Variants in NRG4 observed in about 807,000 individuals in gnomAD.
NRG4 encodes pro-neuregulin-4, membrane-bound isoform.
Under a neutral mutation model 15.0 loss-of-function variants are expected in NRG4, and 10 were observed. The ratio of observed to expected loss-of-function variants is 0.67; its 90% CI spans 0.41 to 1.13. The LOEUF (loss-of-function observed/expected upper bound fraction) is 1.13. Ranked by LOEUF, NRG4 falls within the 50% of genes most tolerant of loss-of-function variation. The pLI, the probability that NRG4 is intolerant of heterozygous loss-of-function variation, is 0.00. For missense variants in NRG4, 139 were observed against 140.2 expected, an observed-to-expected ratio of 0.99 and a Z score of 0.04; for synonymous variants, 41 against 50.1, an observed-to-expected ratio of 0.82 and a Z score of 0.77.
At chr15:76,005,746 T>C (rs1370611822) in intron 3 of NRG4, 4 of 426,790 alleles carry the variant, frequency 9.4e-6, no homozygotes, top group African/African-American at 6.1e-5. Context: ...CCTCTTACTA[T>C]TCATTAAGTG....
chr15:76,046,604 G>A (rs1460200596), intron 4 of NRG4, among the ~76,000 whole-genome samples: 1 of 151,158 alleles, frequency 6.6e-6, no homozygotes, highest in Non-Finnish European at 1.5e-5. Context: ...AATGGGGAAA[G>A]GTTACCAGAT....
intron 4 of NRG4, among the ~76,000 whole-genome samples, chr15:76,049,676 C>T (rs1205062720): frequency 6.6e-6 from 1 of 151,060 alleles, no homozygotes; most frequent in Non-Finnish European, 1.5e-5. Flanking sequence ...TTAATTTCTC[C>T]TCTTTCTCTG....
intron 3 of NRG4, among the ~76,000 whole-genome samples, chr15:76,000,973 A>G (rs550575150): frequency 1.4e-4 from 21 of 151,718 alleles, no homozygotes; most frequent in Admixed American, 3.3e-4. Context: ...GTCTAGTTTT[A>G]AATTTTTCTT....
chr15:76,011,571 CT>C (rs1477951236), intron 1 of NRG4, among the ~76,000 whole-genome samples: 1 of 152,104 alleles, frequency 6.6e-6, no homozygotes, highest in East Asian at 1.9e-4. Flanking sequence ...TCTAATAAGG[CT>C]TTTTTTCGTA....
At chr15:75,982,066 AT>A (rs2033628658) in intron 3 of NRG4, among the ~76,000 whole-genome samples, 1 of 152,318 alleles carries the variant, frequency 6.6e-6, no homozygotes, top group Middle Eastern at 3.4e-3. Context: ...TTCATAGAGA[AT>A]TCTTCCAGAC....
intron 3 of NRG4, among the ~76,000 whole-genome samples, chr15:75,984,877 C>T (rs2033739382): frequency 2.0e-5 from 3 of 152,104 alleles, no homozygotes; most frequent in Non-Finnish European, 4.4e-5. Context: ...CAGAGTTTTG[C>T]TCTGTCACCC....
chr15:75,972,022 C>T (rs1025549357), intron 3 of NRG4, among the ~76,000 whole-genome samples: 3 of 152,162 alleles, frequency 2.0e-5, no homozygotes, highest in African/African-American at 7.2e-5. Context: ...ATATCTTCTC[C>T]AGCATCTGTT....
At chr15:75,966,289 A>G (rs1318708703) in intron 3 of NRG4, among the ~76,000 whole-genome samples, 1 of 152,222 alleles carries the variant, frequency 6.6e-6, no homozygotes, top group Admixed American at 6.5e-5. Context: ...TTCAAGAAAC[A>G]TTACTGGACT....
intron 3 of NRG4, among the ~76,000 whole-genome samples, chr15:75,990,703 C>T (rs117622417): frequency 7.0e-5 from 9 of 128,430 alleles, no homozygotes; most frequent in African/African-American, 2.7e-4. Context: ...TTTTTTGAGA[C>T]AGGGTCTATG....
chr15:76,044,840 CAA>C (rs35017424), intron 4 of NRG4, among the ~76,000 whole-genome samples: 29 of 62,504 alleles, frequency 4.6e-4, no homozygotes, highest in Admixed American at 6.4e-4. Context: ...GACTCTGTCT[CAA>C]AAAAAAAAAA....
chr15:76,037,138 G>C (rs1184322292), intron 4 of NRG4, among the ~76,000 whole-genome samples: 2 of 152,092 alleles, frequency 1.3e-5, no homozygotes, highest in African/African-American at 4.8e-5. Flanking sequence ...TCGAGGGATG[G>C]AGCAAGATGG....
At chr15:75,959,112 G>A (rs1484523309) in intron 4 of NRG4, 1 of 406,692 alleles carries the variant, frequency 2.5e-6, no homozygotes, top group Non-Finnish European at 4.9e-6. Flanking sequence ...CTCCCAAGCA[G>A]CTAGGACTAC....
At chr15:76,029,573 A>C (rs2035415255) in intron 5 of NRG4, among the ~76,000 whole-genome samples, 1 of 152,240 alleles carries the variant, frequency 6.6e-6, no homozygotes, top group Non-Finnish European at 1.5e-5. Flanking sequence ...AAATGAATTC[A>C]GTAAAGTTGC....
At chr15:75,985,168 A>C (rs2033753452) in intron 3 of NRG4, among the ~76,000 whole-genome samples, 1 of 152,192 alleles carries the variant, frequency 6.6e-6, no homozygotes, top group Non-Finnish European at 1.5e-5. Flanking sequence ...ATTAAACAAA[A>C]GGGAAAAAAA....
intron 4 of NRG4, among the ~76,000 whole-genome samples, chr15:76,038,445 C>T (rs547274571): frequency 9.2e-5 from 14 of 152,162 alleles, no homozygotes; most frequent in African/African-American, 2.7e-4. Flanking sequence ...AGCCCTCAGG[C>T]CTTAAGTGAA....
rs2033220043 is a variant in NRG4 at position 75,973,631 on chromosome 15, GT to G, written c.105-11658del. On this transcript the variant is annotated intron_variant, in intron 3 of 5. Coordinates refer to ENST00000394907, the MANE Select transcript of NRG4 (RefSeq NM_138573.4). ...CTGCATCTGTTGAGAGAATCATGTGGTTTTTGTCATTGGTTCTGTTTATGTG... is the reference window on the plus strand; with the variant it reads ...CTGCATCTGTTGAGAGAATCATGTGGTTTTGTCATTGGTTCTGTTTATGTG... Among the ~76,000 whole-genome samples the G allele has an allele frequency of 2.6e-5, 4 of 152,266 alleles. No homozygotes were observed. The South Asian group carries it at 8.3e-4, about 32-fold the overall frequency.
At chr15:76,006,579 A>G (rs2034616244) in intron 3 of NRG4, among the ~76,000 whole-genome samples, 1 of 152,110 alleles carries the variant, frequency 6.6e-6, no homozygotes, top group Non-Finnish European at 1.5e-5. Flanking sequence ...CGTTGCAAAG[A>G]GGGTGCCAAG....
chr15:76,009,251 A>T lies in NRG4; in HGVS notation c.53T>A (p.Leu18Gln), dbSNP rs376427249. 5.0e-6 allele frequency: 8 copies of T among 1,604,596 alleles called. No individual in the cohort carries two copies. Among genetic ancestry groups the T allele is most frequent in the Non-Finnish European group, 6.0e-6 (7 of 1,173,722 alleles). Residue 18 changes from leucine (L) to glutamine (Q), a missense_variant, in exon 3 of 6, where the codon CTG becomes CAG. By Grantham distance (113) the Leu-to-Gln change is moderately radical. Coordinates refer to ENST00000394907, the MANE Select transcript of NRG4 (RefSeq NM_138573.4). ...PCGPSHKSFC[L>Q]NGGLCYVIPT... ...TATCACATAACAAAGCCCCCCATTCAGGCAAAACGACTTGTGACTGGGACC... is the reference window on the plus strand; with the variant it reads ...TATCACATAACAAAGCCCCCCATTCTGGCAAAACGACTTGTGACTGGGACC...
In NRG4 at chr15:75,996,675, G is replaced by A. The variant is rs552386790; in HGVS notation, c.104+12525C>T. 4.6e-5 allele frequency among the ~76,000 whole-genome samples: 7 copies of A among 152,006 alleles called. No individual in the cohort carries two copies. In the South Asian group the frequency reaches 6.3e-4, roughly 14 times the overall value. On this transcript the variant is annotated intron_variant, in intron 3 of 5. Coordinates refer to ENST00000394907, the MANE Select transcript of NRG4 (RefSeq NM_138573.4). Reference sequence around the variant, plus strand: ...AACTAGTGACTTGCTTAGATCATTCGTCTACATAATGATAGTACTAGATCC... The same window carrying A: ...AACTAGTGACTTGCTTAGATCATTCATCTACATAATGATAGTACTAGATCC...
Sources: allele counts gnomAD v4.1 joint callset (sites outside exome capture counted in the v4.1 genomes callset), GRCh38; gene constraint gnomAD v4.1.1; transcripts MANE v1.5; gene names NCBI Gene and HGNC (gene_info 2026-07-23, HGNC 2026-07-21).